The following SEMA5A variants were observed in gnomAD, a reference collection of about 807,000 sequenced individuals.
SEMA5A encodes semaphorin-5A.
In SEMA5A, 55 loss-of-function variants were observed where a neutral mutation model predicts 135.5. The observed-to-expected ratio is 0.41, with a 90% confidence interval of 0.33 to 0.51. SEMA5A has a LOEUF of 0.51. SEMA5A is among the 20% of genes least tolerant of loss of function. The pLI, the probability that SEMA5A is intolerant of heterozygous loss-of-function variation, is 0.37. For synonymous variants in SEMA5A, 580 were observed against 546.5 expected (o/e 1.06, Z -0.85); for missense variants, 1,290 against 1,419.9 (o/e 0.91, Z 1.47).
chr5:9,416,459 C>T (rs985412839), intron 2 of SEMA5A, among the ~76,000 whole-genome samples: 28 of 152,086 alleles, frequency 1.8e-4, no homozygotes, highest in African/African-American at 6.5e-4. Context: ...TGGGGTGGTG[C>T]GGAAGGGCAG....
At chr5:9,529,189 G>A (rs1255261362) in intron 1 of SEMA5A, among the ~76,000 whole-genome samples, 1 of 152,252 alleles carries the variant, frequency 6.6e-6, no homozygotes, top group East Asian at 1.9e-4. Context: ...CTGTGGCCGT[G>A]TGCTCTAGGG....
intron 5 of SEMA5A, among the ~76,000 whole-genome samples, chr5:9,239,394 T>C (rs1206669555): frequency 1.3e-5 from 2 of 152,164 alleles, no homozygotes; most frequent in East Asian, 3.8e-4. Context: ...TGACAAATAT[T>C]TTCATGAAAA....
At chr5:9,454,549 T>C (rs1758761055) in intron 1 of SEMA5A, among the ~76,000 whole-genome samples, 1 of 152,254 alleles carries the variant, frequency 6.6e-6, no homozygotes, top group Non-Finnish European at 1.5e-5. Context: ...AGTGCTGTTT[T>C]TTTCCAATCC....
chr5:9,446,564 G>C (rs1425522513), intron 1 of SEMA5A, among the ~76,000 whole-genome samples: 1 of 151,934 alleles, frequency 6.6e-6, no homozygotes, highest in South Asian at 2.1e-4. Flanking sequence ...CCGGCCTCTG[G>C]GCTTCCACTC....
intron 6 of SEMA5A, among the ~76,000 whole-genome samples, chr5:9,236,152 A>G (rs1385160770): frequency 2.0e-5 from 3 of 152,172 alleles, no homozygotes; most frequent in African/African-American, 7.2e-5. Context: ...TATGGAAGCT[A>G]TAATTCAAGA....
chr5:9,441,744 T>C (rs748462982), intron 1 of SEMA5A, among the ~76,000 whole-genome samples: 4 of 152,052 alleles, frequency 2.6e-5, no homozygotes, highest in Non-Finnish European at 4.4e-5. Context: ...GCAGCCAGCA[T>C]CGGCTAGCAG....
chr5:9,445,842 C>T (rs140191122), intron 1 of SEMA5A, among the ~76,000 whole-genome samples: 6 of 152,256 alleles, frequency 3.9e-5, no homozygotes, highest in Non-Finnish European at 5.9e-5. Flanking sequence ...AAATATCTGG[C>T]TCTATGACTG....
At position 9,221,358 on chromosome 5, in the gene SEMA5A, A is replaced by G. The variant is rs187090033; in HGVS notation, c.646+3316T>C. Among the ~76,000 whole-genome samples, 4,003 of 133,940 alleles carry G rather than the reference A, an allele frequency of 0.03. 356 individuals carry two copies. In the East Asian group the frequency reaches 0.31, roughly 10 times the overall value. 87.9% of individuals were successfully genotyped at this position (133,940 alleles called of 152,430 possible). A position where few individuals can be genotyped will look rare whatever the true frequency, so the allele number is the denominator to read the frequency against. ...CGCTGTGTCACCCAGGCTGGAGTGC[A>G]GTGGCGCGATCTCGGCTTACTGCAA... On this transcript the variant is annotated intron_variant, in intron 8 of 22. Coordinates refer to ENST00000382496, the MANE Select transcript of SEMA5A (RefSeq NM_003966.3).
chr5:9,303,498 A>AT (rs934698449), intron 5 of SEMA5A, among the ~76,000 whole-genome samples: 1 of 151,948 alleles, frequency 6.6e-6, no homozygotes, highest in African/African-American at 2.4e-5. Context: ...GATACCATTA[A>AT]TTTTTTTTAA....
At chr5:9,048,825 T>C (rs1051214706) in intron 21 of SEMA5A, among the ~76,000 whole-genome samples, 4 of 152,236 alleles carry the variant, frequency 2.6e-5, no homozygotes, top group Non-Finnish European at 4.4e-5. Context: ...AGGGTACTAA[T>C]TGGTATGATC....
chr5:9,178,940 C>T (rs1405928379), intron 11 of SEMA5A, among the ~76,000 whole-genome samples: 1 of 152,130 alleles, frequency 6.6e-6, no homozygotes, highest in African/African-American at 2.4e-5. Context: ...TCCAGTAACT[C>T]GTGTTCTACA....
chr5:9,308,896 C>T (rs1579319136), intron 5 of SEMA5A, among the ~76,000 whole-genome samples: 1 of 152,090 alleles, frequency 6.6e-6, no homozygotes, highest in East Asian at 1.9e-4. Flanking sequence ...AGAGTAAGGG[C>T]AGGATGAGTG....
chr5:9,147,829 A>G (rs1418044915), intron 12 of SEMA5A, among the ~76,000 whole-genome samples: 1 of 152,194 alleles, frequency 6.6e-6, no homozygotes, highest in Non-Finnish European at 1.5e-5. Flanking sequence ...TTTTGTCACA[A>G]GAATTTTGCT....
intron 5 of SEMA5A, among the ~76,000 whole-genome samples, chr5:9,278,410 G>A (rs1265056364): frequency 1.3e-5 from 2 of 152,296 alleles, no homozygotes; most frequent in Admixed American, 1.3e-4. Context: ...GGAAAGCAAA[G>A]CATAAAAGTT....
intron 1 of SEMA5A, among the ~76,000 whole-genome samples, chr5:9,448,669 A>G (rs1758521356): frequency 6.6e-6 from 1 of 152,198 alleles, no homozygotes; most frequent in African/African-American, 2.4e-5. Flanking sequence ...GATCTCTGTA[A>G]TTCTTGCTCT....
intron 12 of SEMA5A, among the ~76,000 whole-genome samples, chr5:9,151,948 T>G: frequency 6.6e-6 from 1 of 152,216 alleles, no homozygotes; most frequent in East Asian, 1.9e-4. Flanking sequence ...CCCAGGCCTC[T>G]GTGCCTGGAG....
chr5:9,456,477 G>GT (rs1758838932), intron 1 of SEMA5A, among the ~76,000 whole-genome samples: 1 of 91,644 alleles, frequency 1.1e-5, no homozygotes, highest in Admixed American at 1.1e-4. Flanking sequence ...AAAAGGACAA[G>GT]TAGAAAAAAA....
intron 1 of SEMA5A, among the ~76,000 whole-genome samples, chr5:9,470,950 A>G (rs1759454708): frequency 6.6e-6 from 1 of 152,248 alleles, no homozygotes; most frequent in South Asian, 2.1e-4. Flanking sequence ...ATAGAGCTGG[A>G]AAAAGCGATC....
At chr5:9,500,656 T>C (rs1561301706) in intron 1 of SEMA5A, among the ~76,000 whole-genome samples, 3 of 152,188 alleles carry the variant, frequency 2.0e-5, no homozygotes, top group African/African-American at 4.8e-5. Context: ...TTAAGATAAA[T>C]TATGAATAAC....
Sources: gnomAD v4.1 joint callset for allele counts (sites outside exome capture counted in the v4.1 genomes callset) on GRCh38, gnomAD v4.1.1 for gene constraint, MANE v1.5 for transcripts, NCBI Gene and HGNC (gene_info 2026-07-23, HGNC 2026-07-21) for gene names.